Variants in BBX observed in about 807,000 individuals in gnomAD.
The protein encoded by BBX is HMG box transcription factor BBX.
A neutral mutation model predicts 100.2 loss-of-function variants in BBX; 30 were observed. That is an observed-to-expected ratio of 0.30 (90% confidence interval 0.22 to 0.41). The LOEUF (loss-of-function observed/expected upper bound fraction) is 0.41. Ranked by LOEUF, BBX falls within the 10% of genes least tolerant of loss-of-function variation. The pLI is 1.00. For synonymous variants in BBX, 376 were observed against 388.1 expected, an observed-to-expected ratio of 0.97 and a Z score of 0.37; for missense variants, 1,023 against 1,129.8, an observed-to-expected ratio of 0.91 and a Z score of 1.35.
chr3:107,671,920 C>G (rs1040314991), intron 3 of BBX, among the ~76,000 whole-genome samples: 4 of 152,046 alleles, frequency 2.6e-5, no homozygotes, highest in Non-Finnish European at 5.9e-5. Flanking sequence ...TTCAAAGTCT[C>G]TACTTGTGAT....
chr3:107,728,709 G>A, intron 5 of BBX, 56 bp from the exon 6 acceptor site: 1 of 1,496,386 alleles, frequency 6.7e-7, no homozygotes, highest in South Asian at 1.3e-5. Context: ...ACAGCCTTTA[G>A]AACTTTTTCA....
intron 2 of BBX, among the ~76,000 whole-genome samples, chr3:107,585,201 C>T (rs1444122298): frequency 6.6e-6 from 1 of 152,012 alleles, no homozygotes; most frequent in Non-Finnish European, 1.5e-5. Flanking sequence ...ATGTGTAGGC[C>T]ATTGCGATGA....
chr3:107,596,012 C>T (rs1267076112), intron 2 of BBX, among the ~76,000 whole-genome samples: 1 of 152,262 alleles, frequency 6.6e-6, no homozygotes, highest in East Asian at 1.9e-4. Flanking sequence ...CTGGGCTTTG[C>T]AGTTCATCTG....
intron 10 of BBX, among the ~76,000 whole-genome samples, chr3:107,765,463 G>T (rs2066310012): frequency 6.6e-6 from 1 of 151,978 alleles, no homozygotes; most frequent in African/African-American, 2.4e-5. Context: ...GTGTATGTGT[G>T]TGTGTGTGTG....
intron 2 of BBX, among the ~76,000 whole-genome samples, chr3:107,616,741 G>A (rs1419612747): frequency 1.3e-5 from 2 of 151,834 alleles, no homozygotes; most frequent in African/African-American, 4.8e-5. Flanking sequence ...TTTCTAACTG[G>A]AGTTTTTCTT....
chr3:107,805,609 A>T lies in BBX; in HGVS notation c.*152A>T. On this transcript the variant is annotated 3_prime_UTR_variant, in exon 18 of 18. Coordinates refer to ENST00000325805, the MANE Select transcript of BBX (RefSeq NM_001142568.3). ...CCCAGATTCACTTGAAGCAGAAGTT[A>T]GCATCCTGGGCCAGTTTGTTCTCTC... 1 of 1,439,012 alleles carries T rather than the reference A, an allele frequency of 6.9e-7. No individual in the cohort carries two copies. The highest frequency in any genetic ancestry group is 1.3e-5 in the South Asian group (1 of 75,358). 89.1% of individuals were successfully genotyped at this position (1,439,012 alleles called of 1,614,324 possible).
At chr3:107,774,942 G>T in intron 12 of BBX, 85 bp downstream of exon 12, 1 of 1,478,170 alleles carries the variant, frequency 6.8e-7, no homozygotes, top group Non-Finnish European at 9.1e-7. Context: ...CACTAACTAC[G>T]CATGCTTGTT....
At chr3:107,801,057 G>A in intron 16 of BBX, 38 bp from the exon 17 acceptor site, 3 of 1,590,622 alleles carry the variant, frequency 1.9e-6, no homozygotes, top group Non-Finnish European at 2.6e-6. Context: ...GGAGAGAACA[G>A]AGTGATCCTC....
intron 2 of BBX, among the ~76,000 whole-genome samples, chr3:107,606,244 A>G (rs2054427599): frequency 6.6e-6 from 1 of 152,238 alleles, no homozygotes; most frequent in Non-Finnish European, 1.5e-5. Flanking sequence ...AATATATGGT[A>G]AGACCCACGG....
chr3:107,539,068 G>T (rs1355555493), intron 2 of BBX, among the ~76,000 whole-genome samples: 1 of 152,154 alleles, frequency 6.6e-6, no homozygotes, highest in South Asian at 2.1e-4. Context: ...GAGATTACAG[G>T]TGTGAGGCAC....
At chr3:107,723,991 C>T (rs1004853583) in intron 5 of BBX, among the ~76,000 whole-genome samples, 2 of 152,218 alleles carry the variant, frequency 1.3e-5, no homozygotes, top group Non-Finnish European at 2.9e-5. Flanking sequence ...GCCACACTGT[C>T]TTCCACAATG....
At chr3:107,627,968 A>G (rs2056305706) in intron 2 of BBX, among the ~76,000 whole-genome samples, 1 of 152,050 alleles carries the variant, frequency 6.6e-6, no homozygotes, top group Admixed American at 6.5e-5. Flanking sequence ...ATAATACTGG[A>G]AAATGTCCAT....
Position 107,552,728 on chromosome 3 carries a change from C to T in BBX, c.-84+26330C>T, listed in dbSNP as rs374232991. 1.0e-3 allele frequency among the ~76,000 whole-genome samples: 159 copies of T among 152,286 alleles called. 1 individual carries two copies. The highest frequency in any genetic ancestry group is 3.8e-3 in the African/African-American group (157 of 41,544). On this transcript the variant is annotated intron_variant, in intron 2 of 17. Transcript: ENST00000325805. ...ATTGGATTCATCCCCATTTTTCCTG[C>T]CCCAACTAAAGGTTATTTCTTTTGA...
chr3:107,704,402 C>G, intron 3 of BBX, among the ~76,000 whole-genome samples: 1 of 152,162 alleles, frequency 6.6e-6, no homozygotes, highest in South Asian at 2.1e-4. Flanking sequence ...AGGTCACAAC[C>G]TTTTGTGGAC....
At chr3:107,799,389 C>T (rs558845743) in intron 16 of BBX, among the ~76,000 whole-genome samples, 54 of 152,254 alleles carry the variant, frequency 3.5e-4, no homozygotes, top group African/African-American at 1.2e-3. Flanking sequence ...CAGCTTTCTA[C>T]AGACCTCCAA....
chr3:107,669,401 G>A (rs769230323), intron 3 of BBX, among the ~76,000 whole-genome samples: 4 of 152,070 alleles, frequency 2.6e-5, no homozygotes, highest in South Asian at 4.1e-4. Flanking sequence ...ACATCTTCTG[G>A]GATATAGTAA....
rs138110518 is a variant in BBX at position 107,753,204 on chromosome 3, A to G, written c.826-2394A>G. On this transcript the variant is annotated intron_variant, in intron 9 of 17. Coordinates refer to ENST00000325805, the MANE Select transcript of BBX (RefSeq NM_001142568.3). The stretch of plus-strand genomic sequence containing the variant: ...TCTAAAGAAAGACTAGCACTGTCAA[A>G]TGCTGCAAAGAAATTAAGATAAGGA... 2.0e-4 allele frequency among the ~76,000 whole-genome samples: 31 copies of G among 152,352 alleles called. No individual in the cohort carries two copies. The East Asian group carries it at 6.0e-3, about 29-fold the overall frequency.
At chr3:107,713,912 A>G (rs2061898513) in intron 4 of BBX, among the ~76,000 whole-genome samples, 1 of 125,210 alleles carries the variant, frequency 8.0e-6, no homozygotes, top group East Asian at 3.0e-4. Context: ...ACACATTCTG[A>G]TTTGTTTCTC....
chr3:107,594,535 G>A (rs1014935022), intron 2 of BBX, among the ~76,000 whole-genome samples: 6 of 152,064 alleles, frequency 3.9e-5, no homozygotes, highest in Admixed American at 1.3e-4. Context: ...CAGAGAGATC[G>A]CATTTCTGAC....
Sources: gnomAD v4.1 joint callset for allele counts (sites outside exome capture counted in the v4.1 genomes callset) on GRCh38, gnomAD v4.1.1 for gene constraint, MANE v1.5 for transcripts, NCBI Gene and HGNC (gene_info 2026-07-23, HGNC 2026-07-21) for gene names.